AGBL4: variants seen among roughly 807,000 people sequenced by gnomAD.
The protein encoded by AGBL4 is cytosolic carboxypeptidase 6.
AGBL4 carries 58 observed loss-of-function variants against 66.4 expected under a neutral mutation model. That is an observed-to-expected ratio of 0.87 (90% CI 0.71 to 1.09). The LOEUF (loss-of-function observed/expected upper bound fraction) is 1.09. AGBL4 is among the 50% of genes least tolerant of loss of function. The probability of loss-of-function intolerance (pLI) is 0.00; values close to 1 mark genes in which losing one functional copy is unlikely to be tolerated. For missense variants in AGBL4, 579 were observed against 631.0 expected (o/e 0.92, Z 0.88); for synonymous variants, 234 against 222.9 (o/e 1.05, Z -0.44).
intron 6 of AGBL4, among the ~76,000 whole-genome samples, chr1:48,805,567 A>G (rs1645904299): frequency 6.6e-6 from 1 of 152,170 alleles, no homozygotes; most frequent in Non-Finnish European, 1.5e-5. Flanking sequence ...GAAAGGTGAA[A>G]CACACCCTTG....
intron 5 of AGBL4, among the ~76,000 whole-genome samples, chr1:48,875,934 T>C (rs752088337): frequency 1.8e-4 from 28 of 152,096 alleles, no homozygotes; most frequent in Non-Finnish European, 3.1e-4. Flanking sequence ...TGACAGCAGT[T>C]AGTTGTGAGG....
intron 3 of AGBL4, among the ~76,000 whole-genome samples, chr1:49,587,064 T>C (rs1363641656): frequency 6.6e-6 from 1 of 151,978 alleles, no homozygotes; most frequent in Non-Finnish European, 1.5e-5. Context: ...GCCAAAATGG[T>C]GAATCCTCGT....
chr1:49,963,486 G>A (rs1014067516), intron 1 of AGBL4, among the ~76,000 whole-genome samples: 3 of 152,174 alleles, frequency 2.0e-5, no homozygotes, highest in African/African-American at 7.2e-5. Context: ...GTATTCATCA[G>A]TTAGCTAGCT....
At chr1:49,587,697 T>C (rs910146602) in intron 3 of AGBL4, among the ~76,000 whole-genome samples, 2 of 152,128 alleles carry the variant, frequency 1.3e-5, no homozygotes, top group African/African-American at 4.8e-5. Flanking sequence ...AACAGGTGTA[T>C]ATATAATGAG....
rs901472150 is a variant in AGBL4 at position 48,723,567 on chromosome 1, G to A, written c.635-60326C>T. On this transcript the variant is annotated intron_variant, in intron 6 of 13. Coordinates refer to ENST00000371839, the MANE Select transcript of AGBL4 (RefSeq NM_032785.4). ...AATTATATGCCCAAGTTAACACATT[G>A]GTCCATAAGAAAACTAAACACAGAA... is the stretch of plus-strand genomic sequence containing the variant. 5.3e-5 allele frequency among the ~76,000 whole-genome samples: 8 copies of A among 152,214 alleles called. 1 individual carries two copies. Among genetic ancestry groups the A allele is most frequent in the East Asian group, 3.9e-4 (2 of 5,176 alleles).
chr1:49,267,572 C>T (rs1643951083), intron 3 of AGBL4, among the ~76,000 whole-genome samples: 2 of 151,770 alleles, frequency 1.3e-5, no homozygotes, highest in South Asian at 2.1e-4. Context: ...CCAAGCTACT[C>T]GAGAGGCTGA....
chr1:49,101,354 T>C (rs1645198354), intron 4 of AGBL4, among the ~76,000 whole-genome samples: 3 of 151,956 alleles, frequency 2.0e-5, no homozygotes, highest in South Asian at 2.1e-4. Context: ...CCCCAGCTAA[T>C]TTTTTGTATT....
At chr1:49,574,044 T>C (rs1218480122) in intron 3 of AGBL4, among the ~76,000 whole-genome samples, 1 of 152,090 alleles carries the variant, frequency 6.6e-6, no homozygotes, top group Non-Finnish European at 1.5e-5. Flanking sequence ...ATAATGTTGA[T>C]TCTCTTCAGG....
At chr1:48,735,959 G>T (rs903420782) in intron 6 of AGBL4, among the ~76,000 whole-genome samples, 1 of 152,058 alleles carries the variant, frequency 6.6e-6, no homozygotes, top group Non-Finnish European at 1.5e-5. Flanking sequence ...CCAGCTAAGG[G>T]TATCCTCCCC....
chr1:48,534,241 T>G lies in AGBL4; in HGVS notation c.1444A>C (p.Asn482His). 4 of 1,551,738 alleles carry G rather than the reference T, an allele frequency of 2.6e-6. No individual in the cohort carries two copies. Among genetic ancestry groups the G allele is most frequent in the Non-Finnish European group, 3.5e-6 (4 of 1,146,946 alleles). Residue 482 changes from asparagine to histidine, a missense_variant, in exon 14 of 14, where the codon AAC becomes CAC. Asn to His is a moderately conservative substitution (Grantham distance 68, BLOSUM62 1). Coordinates refer to ENST00000371839, the MANE Select transcript of AGBL4 (RefSeq NM_032785.4). ...KHPLLRGPASNYPNSKGDKKS... is the reference protein window; with the variant it reads ...KHPLLRGPASHYPNSKGDKKS... Reference sequence around the variant, plus strand: ...TTGTCCCCTTTGCTGTTGGGGTAGTTGCTGGCTGGGCCCCGCAGGAGTGGG... The same window carrying G: ...TTGTCCCCTTTGCTGTTGGGGTAGTGGCTGGCTGGGCCCCGCAGGAGTGGG...
chr1:49,382,414 A>T (rs1050937588), intron 3 of AGBL4, among the ~76,000 whole-genome samples: 15 of 152,166 alleles, frequency 9.9e-5, no homozygotes, highest in Non-Finnish European at 2.9e-5. Flanking sequence ...AAACTACACG[A>T]TCAATTCAGT....
chr1:48,932,900 G>T (rs140506599), intron 5 of AGBL4, among the ~76,000 whole-genome samples: 112 of 152,176 alleles, frequency 7.4e-4, no homozygotes, highest in African/African-American at 2.5e-3. Flanking sequence ...GTAGTCTAGA[G>T]AAACAGGTAA....
chr1:49,688,718 A>G (rs944388560), intron 3 of AGBL4, among the ~76,000 whole-genome samples: 1 of 152,146 alleles, frequency 6.6e-6, no homozygotes, highest in Non-Finnish European at 1.5e-5. Flanking sequence ...CCTTTTCTCC[A>G]TATCCTCGCC....
chr1:49,924,455 GGT>G (rs1652568234), intron 1 of AGBL4, among the ~76,000 whole-genome samples: 1 of 151,564 alleles, frequency 6.6e-6, no homozygotes, highest in Non-Finnish European at 1.5e-5. Context: ...AAAAAGAATG[GGT>G]GTTACCTAAT....
chr1:49,259,514 C>CT (rs1652899265), intron 3 of AGBL4, among the ~76,000 whole-genome samples: 1 of 149,322 alleles, frequency 6.7e-6, no homozygotes, highest in East Asian at 2.0e-4. Flanking sequence ...ATCCTAGTCT[C>CT]TGATAAAACA....
chr1:49,026,418 C>G (rs1282938918), intron 5 of AGBL4, among the ~76,000 whole-genome samples: 1 of 152,074 alleles, frequency 6.6e-6, no homozygotes, highest in African/African-American at 2.4e-5. Flanking sequence ...ACAACAGAGT[C>G]ATAAAATAGG....
At chr1:49,153,525 A>G (rs1646377512) in intron 4 of AGBL4, among the ~76,000 whole-genome samples, 1 of 152,122 alleles carries the variant, frequency 6.6e-6, no homozygotes, top group Non-Finnish European at 1.5e-5. Flanking sequence ...TCACTCCACA[A>G]TAGCTTCCTT....
chr1:49,989,169 T>C (rs772116611), intron 1 of AGBL4, among the ~76,000 whole-genome samples: 2 of 151,968 alleles, frequency 1.3e-5, no homozygotes, highest in African/African-American at 4.8e-5. Flanking sequence ...CCCAAGTGGG[T>C]TGAAAGGAAT....
In AGBL4 at chr1:49,245,840, A is replaced by C; in HGVS notation, c.307T>G (p.Phe103Val). 1 of 1,549,502 alleles carries C rather than the reference A, an allele frequency of 6.5e-7. No homozygotes were observed. Among genetic ancestry groups the C allele is most frequent in the Non-Finnish European group, 8.7e-7 (1 of 1,145,396 alleles). Reference sequence around the variant, plus strand: ...CTATAGAGACTCTTGGTTTTACTGAAGTTAACAATGTTGAAAATGACCCTC... The same window carrying C: ...CTATAGAGACTCTTGGTTTTACTGACGTTAACAATGTTGAAAATGACCCTC... ...SQRVIFNIVNFSKTKSLYRDG... is the reference protein window; with the variant it reads ...SQRVIFNIVNVSKTKSLYRDG... The change falls in exon 4 of 14, where the codon TTC becomes GTC. Residue 103 changes from phenylalanine to valine, a missense_variant. Coordinates refer to ENST00000371839, the MANE Select transcript of AGBL4 (RefSeq NM_032785.4).
Sources: gnomAD v4.1 joint callset for allele counts (sites outside exome capture counted in the v4.1 genomes callset) on GRCh38, gnomAD v4.1.1 for gene constraint, MANE v1.5 for transcripts, NCBI Gene and HGNC (gene_info 2026-07-23, HGNC 2026-07-21) for gene names.